The following SLC25A21 variants were observed in gnomAD, a reference collection of about 807,000 sequenced individuals.
SLC25A21 encodes mitochondrial 2-oxodicarboxylate carrier.
A neutral mutation model predicts 43.8 loss-of-function variants in SLC25A21; 47 were observed. The observed-to-expected ratio is 1.07, with a 90% CI of 0.85 to 1.37. The LOEUF is 1.37. Ranked by LOEUF, SLC25A21 falls within the 40% of genes most tolerant of loss-of-function variation. The pLI is 0.00. For synonymous variants in SLC25A21, 131 were observed against 121.3 expected (o/e 1.08, Z -0.52); for missense variants, 352 against 350.2 (o/e 1.00, Z -0.04).
intron 1 of SLC25A21, among the ~76,000 whole-genome samples, chr14:37,127,150 A>T (rs543963007): frequency 3.9e-4 from 60 of 152,316 alleles, no homozygotes; most frequent in Admixed American, 8.5e-4. Flanking sequence ...GACTGGACAA[A>T]GAATAACAAC....
chr14:37,085,965 C>T (rs1287539287), intron 1 of SLC25A21, among the ~76,000 whole-genome samples: 2 of 152,066 alleles, frequency 1.3e-5, no homozygotes, highest in East Asian at 1.9e-4. Flanking sequence ...ATTAGCCGGG[C>T]GTGGTGGCGG....
At chr14:36,704,287 C>T (rs1025283560) in intron 7 of SLC25A21, among the ~76,000 whole-genome samples, 4 of 152,122 alleles carry the variant, frequency 2.6e-5, no homozygotes, top group East Asian at 1.9e-4. Flanking sequence ...AATCCGGTTA[C>T]GTTATCTGGA....
intron 3 of SLC25A21, among the ~76,000 whole-genome samples, chr14:36,742,858 C>T (rs1769271685): frequency 6.6e-6 from 1 of 152,136 alleles, no homozygotes. Flanking sequence ...TGATTTGTTA[C>T]CCCAAACCAT....
intron 1 of SLC25A21, among the ~76,000 whole-genome samples, chr14:37,021,670 G>A (rs35576618): frequency 0.027 from 4,163 of 151,974 alleles, 95 homozygotes; most frequent in Middle Eastern, 0.048. Flanking sequence ...GGTTCAACTT[G>A]TAAACTGGTC....
At chr14:36,758,163 G>A (rs1157137279) in intron 3 of SLC25A21, among the ~76,000 whole-genome samples, 1 of 152,206 alleles carries the variant, frequency 6.6e-6, no homozygotes, top group African/African-American at 2.4e-5. Context: ...AACAGAGCCT[G>A]CATGAAGGGA....
intron 1 of SLC25A21, among the ~76,000 whole-genome samples, chr14:37,002,730 G>A (rs1438158827): frequency 6.6e-6 from 1 of 152,144 alleles, no homozygotes; most frequent in Non-Finnish European, 1.5e-5. Flanking sequence ...ACAAAACAGT[G>A]CTAGTGAATT....
chr14:37,020,862 T>C (rs1594755710), intron 1 of SLC25A21, among the ~76,000 whole-genome samples: 1 of 151,992 alleles, frequency 6.6e-6, no homozygotes, highest in East Asian at 1.9e-4. Flanking sequence ...TTGGTCATAC[T>C]ACAACCCACA....
At chr14:36,775,355 C>T (rs564021251) in intron 3 of SLC25A21, among the ~76,000 whole-genome samples, 2 of 152,270 alleles carry the variant, frequency 1.3e-5, no homozygotes, top group Admixed American at 6.5e-5. Context: ...TCTAAAGTAA[C>T]CAGGGAAGTG....
At position 37,024,640 on chromosome 14, in the gene SLC25A21, TA is replaced by T. The variant is rs113823343; in HGVS notation, c.70+147640del. ...TTAGAGGCAGAAGATAATATTGCTTTAAAAAAAAACAGATCAACAGCTTTAT... is the reference window on the plus strand; with the variant it reads ...TTAGAGGCAGAAGATAATATTGCTTTAAAAAAAACAGATCAACAGCTTTAT... On this transcript the variant is annotated intron_variant, in intron 1 of 9. Transcript: ENST00000331299. 2.1e-3 allele frequency among the ~76,000 whole-genome samples: 314 copies of T among 151,232 alleles called. 2 individuals carry two copies. Among genetic ancestry groups the T allele is most frequent in the African/African-American group, 5.5e-3 (229 of 41,282 alleles).
chr14:37,018,833 C>G (rs549683700), intron 1 of SLC25A21, among the ~76,000 whole-genome samples: 5 of 151,996 alleles, frequency 3.3e-5, no homozygotes, highest in Admixed American at 3.3e-4. Flanking sequence ...ACTTCTCTGA[C>G]TAATGACATT....
chr14:36,977,606 T>C (rs374799128), intron 1 of SLC25A21, among the ~76,000 whole-genome samples: 1 of 152,168 alleles, frequency 6.6e-6, no homozygotes, highest in Non-Finnish European at 1.5e-5. Flanking sequence ...AGGAGGAAGA[T>C]GTCACCACAC....
At chr14:37,106,830 C>T (rs1962923011) in intron 1 of SLC25A21, among the ~76,000 whole-genome samples, 1 of 152,194 alleles carries the variant, frequency 6.6e-6, no homozygotes, top group Non-Finnish European at 1.5e-5. Context: ...CCCCCGGCAG[C>T]CCAGCTGTAA....
At chr14:36,796,381 C>A (rs559393018) in intron 3 of SLC25A21, among the ~76,000 whole-genome samples, 5,069 of 100,806 alleles carry the variant, frequency 0.05, 221 homozygotes, top group African/African-American at 0.15. Context: ...TTATTTCTCT[C>A]TTTCTCTTTC....
At chr14:37,090,822 A>G (rs1021341946) in intron 1 of SLC25A21, among the ~76,000 whole-genome samples, 6 of 152,286 alleles carry the variant, frequency 3.9e-5, no homozygotes, top group African/African-American at 1.4e-4. Flanking sequence ...AAACATAGTC[A>G]CATGTACAGT....
At chr14:36,894,559 AG>A (rs1891181425) in intron 1 of SLC25A21, among the ~76,000 whole-genome samples, 1 of 152,010 alleles carries the variant, frequency 6.6e-6, no homozygotes, top group Non-Finnish European at 1.5e-5. Context: ...TGCCCTGGCC[AG>A]AACTTCCAAC....
At chr14:37,022,845 A>G (rs1175791210) in intron 1 of SLC25A21, among the ~76,000 whole-genome samples, 1 of 152,038 alleles carries the variant, frequency 6.6e-6, no homozygotes, top group East Asian at 1.9e-4. Flanking sequence ...AATCATTTCT[A>G]CCACACAATC....
intron 1 of SLC25A21, among the ~76,000 whole-genome samples, chr14:37,089,026 G>A (rs1018140868): frequency 6.6e-6 from 1 of 152,022 alleles, no homozygotes; most frequent in Admixed American, 6.6e-5. Flanking sequence ...TCTGACTTCC[G>A]CCGTAAGCGA....
chr14:36,847,899 A>T (rs2062501280), intron 2 of SLC25A21, among the ~76,000 whole-genome samples: 1 of 146,844 alleles, frequency 6.8e-6, no homozygotes, highest in African/African-American at 2.5e-5. Flanking sequence ...CAGGAAAGTA[A>T]CTCTGGAAGC....
chr14:36,719,896 C>T (rs894002057), intron 6 of SLC25A21, among the ~76,000 whole-genome samples: 1 of 152,172 alleles, frequency 6.6e-6, no homozygotes, highest in East Asian at 1.9e-4. Flanking sequence ...CAGTACCTGT[C>T]GTTCTTGATG....
Sources: gnomAD v4.1 joint callset for allele counts (sites outside exome capture counted in the v4.1 genomes callset) on GRCh38, gnomAD v4.1.1 for gene constraint, MANE v1.5 for transcripts, NCBI Gene and HGNC (gene_info 2026-07-23, HGNC 2026-07-21) for gene names.